FAM180A: variants seen among roughly 807,000 people sequenced by gnomAD.
FAM180A encodes the protein protein FAM180A.
FAM180A carries 14 observed loss-of-function variants against 15.3 expected under a neutral mutation model. That is an observed-to-expected ratio of 0.92 (90% confidence interval 0.61 to 1.43). The LOEUF is 1.43. Ranked by LOEUF, FAM180A falls within the 40% of genes most tolerant of loss-of-function variation. The probability of loss-of-function intolerance (pLI) is 0.00; values close to 1 mark genes in which losing one functional copy is unlikely to be tolerated. For missense variants in FAM180A, 200 were observed against 220.8 expected (o/e 0.91, Z 0.60); for synonymous variants, 90 against 96.8 (o/e 0.93, Z 0.41).
chr7:135,732,099 C>T (rs765696736), intron 3 of FAM180A, among the ~76,000 whole-genome samples: 8 of 152,306 alleles, frequency 5.3e-5, no homozygotes, highest in Non-Finnish European at 1.0e-4. Context: ...TATAACAAAC[C>T]TGGCTATCGT....
chr7:135,736,585 G>A (rs1386458674), intron 2 of FAM180A, among the ~76,000 whole-genome samples: 2 of 152,242 alleles, frequency 1.3e-5, no homozygotes, highest in Non-Finnish European at 2.9e-5. Flanking sequence ...GTGGTTTGGA[G>A]GAGGAGTGGG....
At chr7:135,737,221 G>A in intron 1 of FAM180A, 22 bp from the exon 2 acceptor site, 13 of 1,547,268 alleles carry the variant, frequency 8.4e-6, no homozygotes, top group Non-Finnish European at 1.1e-5. Context: ...AAAACAGTGA[G>A]TTCCTGGCTG....
intron 1 of FAM180A, among the ~76,000 whole-genome samples, chr7:135,744,791 C>G (rs1040739281): frequency 7.2e-5 from 11 of 152,204 alleles, no homozygotes; most frequent in Admixed American, 3.3e-4. Context: ...TTGCCTCACT[C>G]TCCAATTTTC....
At position 135,738,139 on chromosome 7, in the gene FAM180A, A is replaced by G. The variant is rs115914266; in HGVS notation, c.77-940T>C. ...GCACAAGACCCAGGCCCTTGGATCT[A>G]GGGCATCATTGTGGGGTCAAACTCA... On this transcript the variant is annotated intron_variant, in intron 1 of 3. Coordinates refer to ENST00000338588, the MANE Select transcript of FAM180A (RefSeq NM_205855.4). Among the ~76,000 whole-genome samples, 371 of 152,360 alleles carry G rather than the reference A, an allele frequency of 2.4e-3. 2 individuals carry two copies. Among genetic ancestry groups the G allele is most frequent in the African/African-American group, 8.7e-3 (360 of 41,580 alleles).
chr7:135,737,107 G>A lies in FAM180A; in HGVS notation c.169C>T (p.Leu57Phe). The A allele has an allele frequency of 6.2e-7, 1 of 1,612,074 alleles. No individual in the cohort carries two copies. Among genetic ancestry groups the A allele is most frequent in the East Asian group, 2.2e-5 (1 of 44,876 alleles). Residue 57 changes from leucine (L) to phenylalanine (F), a missense_variant, in exon 2 of 4, where the codon CTC becomes TTC. Coordinates refer to ENST00000338588, the MANE Select transcript of FAM180A (RefSeq NM_205855.4). ...TGTTCCCCTCTGCCTACCTCGTAGA[G>A]CAGCTCCACCTCCTCCAGGGAGGTC... Reference protein sequence around the residue: ...LQTSLEEVELLYEFLLAELEI... With the variant: ...LQTSLEEVELFYEFLLAELEI...
rs552604155 is a variant in FAM180A, at chr7:135,740,061, T to C, written c.77-2862A>G. Among the ~76,000 whole-genome samples the C allele has an allele frequency of 3.9e-5, 6 of 152,316 alleles. No homozygotes were observed. The South Asian group carries it at 8.3e-4, about 21-fold the overall frequency. On this transcript the variant is annotated intron_variant, in intron 1 of 3. Coordinates refer to ENST00000338588, the MANE Select transcript of FAM180A (RefSeq NM_205855.4). ...TAGCCAGGTATTTCAGCAGAGTTTA[T>C]ACTCTTTGCCAAAAAAGAGCCAGTT...
intron 1 of FAM180A, among the ~76,000 whole-genome samples, chr7:135,740,949 TA>T (rs1007003025): frequency 5.2e-4 from 29 of 55,610 alleles, no homozygotes; most frequent in East Asian, 9.3e-4. Context: ...ATTATTCCCT[TA>T]AAAAAAAACA....
chr7:135,733,439 T>C (rs1796817243), intron 3 of FAM180A: 1 of 156,098 alleles, frequency 6.4e-6, no homozygotes, highest in African/African-American at 2.4e-5. Flanking sequence ...CTCTACCTCC[T>C]GGGTTCAGCT....
chr7:135,748,364 C>T (rs559822966), intron 1 of FAM180A, 141 bp downstream of exon 1: 5 of 699,896 alleles, frequency 7.1e-6, no homozygotes, highest in South Asian at 1.7e-5. Context: ...AGGGGGAACA[C>T]GTCAAGAAGC....
At chr7:135,735,089 G>C (rs1796852590) in intron 2 of FAM180A, among the ~76,000 whole-genome samples, 1 of 151,988 alleles carries the variant, frequency 6.6e-6, no homozygotes, top group Non-Finnish European at 1.5e-5. Flanking sequence ...TTTTATTAGA[G>C]ATGGGGTTTC....
chr7:135,732,571 T>C (rs1416192876), intron 3 of FAM180A, among the ~76,000 whole-genome samples: 2 of 152,072 alleles, frequency 1.3e-5, no homozygotes, highest in Non-Finnish European at 1.5e-5. Flanking sequence ...TGCGCGCCTA[T>C]AGTCCCAGCT....
At position 135,748,637 on chromosome 7, in the gene FAM180A, G is replaced by A. The variant is rs1356263260; in HGVS notation, c.-57C>T. ...CAAGCCCAGTGGAACCCCAGTAGCT[G>A]CAGGTATGCCCGTGCCGTTCTTCCC... is the stretch of plus-strand genomic sequence containing the variant. On this transcript the variant is annotated 5_prime_UTR_variant, in exon 1 of 4. Coordinates refer to ENST00000338588, the MANE Select transcript of FAM180A (RefSeq NM_205855.4). 3.0e-6 allele frequency: 4 copies of A among 1,336,696 alleles called. No individual in the cohort carries two copies. Among genetic ancestry groups the A allele is most frequent in the Non-Finnish European group, 4.3e-6 (4 of 927,072 alleles). 82.8% of individuals were successfully genotyped at this position (1,336,696 alleles called of 1,614,324 possible).
At chr7:135,736,211 T>C (rs1013929778) in intron 2 of FAM180A, among the ~76,000 whole-genome samples, 2 of 151,968 alleles carry the variant, frequency 1.3e-5, no homozygotes, top group African/African-American at 2.4e-5. Context: ...TTAGTAGAGA[T>C]GGGGTTTCAC....
At chr7:135,748,424 T>C in intron 1 of FAM180A, 81 bp downstream of exon 1, 2 of 1,103,682 alleles carry the variant, frequency 1.8e-6, no homozygotes, top group Non-Finnish European at 2.8e-6. Flanking sequence ...GGGCTTCTAA[T>C]GTCCTTCCCT....
chr7:135,736,918 G>A (rs1461644784), intron 2 of FAM180A, among the ~76,000 whole-genome samples, 181 bp downstream of exon 2: 1 of 152,238 alleles, frequency 6.6e-6, no homozygotes, highest in Admixed American at 6.5e-5. Context: ...AAGACAGGAG[G>A]CATGAGGAAT....
intron 1 of FAM180A, among the ~76,000 whole-genome samples, chr7:135,745,690 A>C (rs968507094): frequency 6.6e-6 from 1 of 152,128 alleles, no homozygotes; most frequent in African/African-American, 2.4e-5. Context: ...CAGTGCTAAC[A>C]ACAAGGCGCA....
chr7:135,736,156 G>T (rs1035297596), intron 2 of FAM180A, among the ~76,000 whole-genome samples: 2 of 151,730 alleles, frequency 1.3e-5, no homozygotes, highest in Admixed American at 6.6e-5. Context: ...CTGAGTGGCT[G>T]GGATTACAGG....
chr7:135,737,715 CCAG>C (rs1402170158), intron 1 of FAM180A, among the ~76,000 whole-genome samples: 1 of 151,266 alleles, frequency 6.6e-6, no homozygotes, highest in Non-Finnish European at 1.5e-5. Flanking sequence ...TCATATCAGA[CCAG>C]TGGCTTAAAA....
chr7:135,743,043 A>T (rs1267035967), intron 1 of FAM180A, among the ~76,000 whole-genome samples: 1 of 152,210 alleles, frequency 6.6e-6, no homozygotes, highest in South Asian at 2.1e-4. Context: ...GATAAATGGT[A>T]GTTAGTTATG....
Sources: gnomAD v4.1 joint callset for allele counts (sites outside exome capture counted in the v4.1 genomes callset) on GRCh38, gnomAD v4.1.1 for gene constraint, MANE v1.5 for transcripts, NCBI Gene and HGNC (gene_info 2026-07-23, HGNC 2026-07-21) for gene names.